ANK3: variants seen among roughly 807,000 people sequenced by gnomAD.
ANK3 encodes ankyrin 3.
Under a neutral mutation model 370.9 loss-of-function variants are expected in ANK3, and 57 were observed. That is an observed-to-expected ratio of 0.15 (90% CI 0.12 to 0.19). The LOEUF (loss-of-function observed/expected upper bound fraction) is 0.19, where lower values mean the gene tolerates loss of function less well. ANK3 is among the 10% of genes least tolerant of loss of function. The probability of loss-of-function intolerance (pLI) is 1.00; values close to 1 mark genes in which losing one functional copy is unlikely to be tolerated. For missense variants in ANK3, 4,439 were observed against 5,302.1 expected, an observed-to-expected ratio of 0.84 and a Z score of 5.06; for synonymous variants, 1,929 against 1,946.3, an observed-to-expected ratio of 0.99 and a Z score of 0.23.
At chr10:60,168,003 C>A (rs184159219) in intron 21 of ANK3, among the ~76,000 whole-genome samples, 6 of 152,034 alleles carry the variant, frequency 3.9e-5, no homozygotes, top group Admixed American at 3.9e-4. Context: ...ACCAAGTTCC[C>A]CTTATTATTA....
At chr10:60,240,582 G>A (rs1018503854) in intron 7 of ANK3, among the ~76,000 whole-genome samples, 3 of 151,194 alleles carry the variant, frequency 2.0e-5, no homozygotes, top group Admixed American at 6.6e-5. Context: ...GGGATTACAG[G>A]GGTGAGCCAC....
In ANK3 at chr10:60,069,121, C is replaced by T; in HGVS notation, c.11760G>A (p.Arg3920=). 6.2e-7 allele frequency: 1 copy of T among 1,614,074 alleles called. No individual in the cohort carries two copies. The highest frequency in any genetic ancestry group is 8.5e-7 in the Non-Finnish European group (1 of 1,180,002). The change falls in exon 37 of 44, where the codon AGG becomes AGA. Residue 3920 remains arginine, a synonymous_variant. Transcript: ENST00000280772. ...KSRIPVKNTH[R]DNIIAVRKAC... ...CTTTTCTAACTGCAATTATGTTATC[C>T]CTGTGTGTGTTTTTCACTGGAATTC...
intron 43 of ANK3, among the ~76,000 whole-genome samples, chr10:60,031,014 T>C (rs1227480087): frequency 1.3e-5 from 2 of 152,136 alleles, no homozygotes; most frequent in African/African-American, 4.8e-5. Context: ...AATATCAAAA[T>C]GTAAGAAGTT....
intron 10 of ANK3, 114 bp from the exon 11 acceptor site, chr10:60,206,004 A>T: frequency 1.4e-6 from 1 of 723,104 alleles, no homozygotes; most frequent in Non-Finnish European, 2.4e-6. Flanking sequence ...AATGAACAGA[A>T]AGTACCAGGG....
chr10:60,442,587 G>C (rs1431653269), intron 2 of ANK3, among the ~76,000 whole-genome samples: 1 of 152,022 alleles, frequency 6.6e-6, no homozygotes, highest in African/African-American at 2.4e-5. Context: ...GTAACCTATG[G>C]ATGTTGAAAC....
chr10:60,213,257 C>T (rs755764153), intron 9 of ANK3, among the ~76,000 whole-genome samples, 155 bp downstream of exon 9: 2 of 152,100 alleles, frequency 1.3e-5, no homozygotes, highest in Non-Finnish European at 2.9e-5. Flanking sequence ...TCTTAATTAG[C>T]CCAAACTTAT....
At chr10:60,591,284 TTTTTTA>T (rs1172060409) in intron 2 of ANK3, among the ~76,000 whole-genome samples, 5 of 150,122 alleles carry the variant, frequency 3.3e-5, no homozygotes, top group South Asian at 2.1e-4. Context: ...ACATCCGTTA[TTTTTTA>T]TTTTTATTTT....
intron 8 of ANK3, among the ~76,000 whole-genome samples, chr10:60,217,932 C>T (rs1033148147): frequency 4.6e-5 from 7 of 151,924 alleles, no homozygotes; most frequent in Non-Finnish European, 8.8e-5. Flanking sequence ...TGAATCTGAG[C>T]GATCTTTTAT....
At chr10:60,319,048 A>G (rs1365543485) in intron 1 of ANK3, among the ~76,000 whole-genome samples, 1 of 152,084 alleles carries the variant, frequency 6.6e-6, no homozygotes, top group East Asian at 1.9e-4. Context: ...GAGGACTTGC[A>G]CTCTTGCTTG....
At chr10:60,032,130 T>C (rs2073734978) in intron 43 of ANK3, among the ~76,000 whole-genome samples, 1 of 150,996 alleles carries the variant, frequency 6.6e-6, no homozygotes, top group Non-Finnish European at 1.5e-5. Flanking sequence ...CCCCTCCCCC[T>C]GACTTTTTGA....
intron 2 of ANK3, among the ~76,000 whole-genome samples, chr10:60,485,728 A>T (rs1486356542): frequency 6.6e-6 from 1 of 152,186 alleles, no homozygotes; most frequent in Non-Finnish European, 1.5e-5. Context: ...ATTGTGGTGT[A>T]TCTCCAGCTT....
rs565713138 is a variant in ANK3 at position 60,071,071 on chromosome 10, C to T, written c.9810G>A (p.Lys3270=). 5.0e-6 allele frequency: 8 copies of T among 1,614,124 alleles called. No individual in the cohort carries two copies. In the East Asian group the frequency reaches 8.9e-5, roughly 18 times the overall value. ...CCTCTTTTTCTGGGAGATAATGATG[C>T]TTCTTATCTGACTCAATCTGGTCCG... The part of the protein sequence containing the change: ...LDADQIESDK[K]HHYLPEKEVD... Residue 3270 remains lysine (K), a synonymous_variant, in exon 37 of 44, where the codon AAG becomes AAA. Coordinates refer to ENST00000280772, the MANE Select transcript of ANK3 (RefSeq NM_020987.5).
intron 25 of ANK3, among the ~76,000 whole-genome samples, chr10:60,121,786 A>G (rs1023418183): frequency 6.6e-6 from 1 of 152,198 alleles, no homozygotes; most frequent in Non-Finnish European, 1.5e-5. Flanking sequence ...AAAATAACTA[A>G]AAGTACATAA....
intron 2 of ANK3, among the ~76,000 whole-genome samples, chr10:60,407,812 C>T (rs764253778): frequency 6.6e-6 from 1 of 152,208 alleles, no homozygotes; most frequent in African/African-American, 2.4e-5. Context: ...TTATGTCACA[C>T]ATTTAATGAA....
chr10:60,284,369 T>G (rs2098212829), intron 1 of ANK3, among the ~76,000 whole-genome samples: 1 of 152,106 alleles, frequency 6.6e-6, no homozygotes, highest in Non-Finnish European at 1.5e-5. Flanking sequence ...CCTAGCAAAC[T>G]AACACAAGTA....
rs1484195605 is a variant in ANK3 at position 60,059,418 on chromosome 10, T to C, written c.12608A>G (p.Glu4203Gly). 4.3e-6 allele frequency: 7 copies of C among 1,614,024 alleles called. No individual in the cohort carries two copies. The East Asian group carries it at 1.6e-4, about 36-fold the overall frequency. ...FHDPVDGWQNETSSGNLESCA... is the reference protein window; with the variant it reads ...FHDPVDGWQNGTSSGNLESCA... The stretch of plus-strand genomic sequence containing the variant: ...GGACTCTAGGTTTCCACTTGATGTC[T>C]CATTCTGCCAACCTGTAATTGAAGA... The change falls in exon 41 of 44, where the codon GAG (glutamate) becomes GGG (glycine). Residue 4203 changes from glutamate to glycine, a missense_variant. Transcript: ENST00000280772.
chr10:60,335,223 A>G (rs1435725749), intron 1 of ANK3, among the ~76,000 whole-genome samples: 1 of 152,152 alleles, frequency 6.6e-6, no homozygotes, highest in Middle Eastern at 3.2e-3. Context: ...TGTGGCTAGT[A>G]AGGGAAGCGA....
chr10:60,152,821 G>T (rs2095192065), intron 23 of ANK3, among the ~76,000 whole-genome samples: 2 of 151,842 alleles, frequency 1.3e-5, no homozygotes, highest in African/African-American at 2.4e-5. Context: ...CCCAAACACA[G>T]GCCCCTCTTA....
chr10:60,724,185 G>T (rs1194430015), intron 1 of ANK3, among the ~76,000 whole-genome samples: 1 of 135,982 alleles, frequency 7.4e-6, no homozygotes, highest in Non-Finnish European at 1.6e-5. Context: ...ACTCCAGCCT[G>T]GGCGACAGAG....
Sources: gnomAD v4.1 joint callset for allele counts (sites outside exome capture counted in the v4.1 genomes callset) on GRCh38, gnomAD v4.1.1 for gene constraint, MANE v1.5 for transcripts, NCBI Gene and HGNC (gene_info 2026-07-23, HGNC 2026-07-21) for gene names.